The following GPHN variants were observed in gnomAD, a reference collection of about 807,000 sequenced individuals.
GPHN encodes gephyrin.
In GPHN, 17 loss-of-function variants were observed where a neutral mutation model predicts 95.5. The observed-to-expected ratio is 0.18, with a 90% CI of 0.12 to 0.27. The LOEUF is 0.27. Among genes scored for constraint, GPHN ranks in the 10% least tolerant of loss-of-function variants. The pLI, the probability that GPHN is intolerant of heterozygous loss-of-function variation, is 1.00. For missense variants in GPHN, 660 were observed against 978.1 expected, an observed-to-expected ratio of 0.67 and a Z score of 4.34; for synonymous variants, 320 against 322.5, an observed-to-expected ratio of 0.99 and a Z score of 0.08.
At chr14:67,200,154 A>C in the GPHN span, 2 of 1,153,794 alleles carry the variant, frequency 1.7e-6, no homozygotes, top group Admixed American at 5.2e-5. Flanking sequence ...TGGGTCACCC[A>C]GGTCCTATGC....
At chr14:67,264,956 G>A in the GPHN span, among the ~76,000 whole-genome samples, 1 of 151,944 alleles carries the variant, frequency 6.6e-6, no homozygotes, top group Non-Finnish European at 1.5e-5. Flanking sequence ...CATCCATGAG[G>A]GCAGATGATT....
At chr14:66,800,094 T>C (rs1450919595) in intron 3 of GPHN, among the ~76,000 whole-genome samples, 3 of 152,226 alleles carry the variant, frequency 2.0e-5, no homozygotes, top group Non-Finnish European at 4.4e-5. Context: ...AATAAAAGTC[T>C]ACACTTTAAC....
rs138997125 is a variant in GPHN at position 66,888,663 on chromosome 14, G to A, written c.389+8630G>A. 7.1e-3 allele frequency among the ~76,000 whole-genome samples: 1,072 copies of A among 152,052 alleles called. 5 individuals carry two copies. The highest frequency in any genetic ancestry group is 0.025 in the African/African-American group (1,024 of 41,510). On this transcript the variant is annotated intron_variant, in intron 5 of 22. Transcript: ENST00000478722. ...AAGAACAAATGAAGATAGTAATGTAGGAAATAAGGAGTTAAAAAGCTATAA... is the reference window on the plus strand; with the variant it reads ...AAGAACAAATGAAGATAGTAATGTAAGAAATAAGGAGTTAAAAAGCTATAA...
chr14:67,271,723 A>C, the GPHN span: 2 of 152,232 alleles, frequency 1.3e-5, no homozygotes, highest in Non-Finnish European at 1.5e-5. Flanking sequence ...ATTAAAGGGA[A>C]ATATGAGTTT....
At chr14:67,651,648 G>T in the GPHN span, 1 of 601,188 alleles carries the variant, frequency 1.7e-6, no homozygotes, top group Non-Finnish European at 2.7e-6. Flanking sequence ...GTCACTTAGG[G>T]ATAACACTGT....
the GPHN span, chr14:67,386,960 T>C: frequency 6.3e-6 from 1 of 157,534 alleles, no homozygotes; most frequent in Non-Finnish European, 1.4e-5. Context: ...CTTTTACTAA[T>C]TCCAAAGAAG....
At chr14:66,705,837 T>TA (rs1413018334) in intron 2 of GPHN, among the ~76,000 whole-genome samples, 1 of 151,988 alleles carries the variant, frequency 6.6e-6, no homozygotes, top group East Asian at 1.9e-4. Context: ...AAGAGAAAAA[T>TA]AAAGTGTATT....
At chr14:67,556,267 C>T in the GPHN span, among the ~76,000 whole-genome samples, 139 of 152,266 alleles carry the variant, frequency 9.1e-4, no homozygotes, top group African/African-American at 3.2e-3. Flanking sequence ...TTGGAATGCG[C>T]AGCCTTCTTG....
At chr14:66,877,950 C>T (rs1401374167) in intron 4 of GPHN, among the ~76,000 whole-genome samples, 1 of 152,172 alleles carries the variant, frequency 6.6e-6, no homozygotes, top group Admixed American at 6.5e-5. Flanking sequence ...AAGCTGGAGG[C>T]ATCACACTAC....
intron 4 of GPHN, among the ~76,000 whole-genome samples, chr14:66,838,528 C>A (rs1166289122): frequency 6.6e-6 from 1 of 152,098 alleles, no homozygotes; most frequent in Non-Finnish European, 1.5e-5. Context: ...GTTCACCCTT[C>A]CAAATCTACT....
chr14:67,017,382 A>C (rs78099028), intron 9 of GPHN, among the ~76,000 whole-genome samples: 1 of 152,236 alleles, frequency 6.6e-6, no homozygotes, highest in Admixed American at 6.5e-5. Context: ...TGTTATTTAA[A>C]TCAAACTTTT....
At chr14:67,291,679 G>C in the GPHN span, among the ~76,000 whole-genome samples, 1 of 152,262 alleles carries the variant, frequency 6.6e-6, no homozygotes, top group East Asian at 1.9e-4. Flanking sequence ...ACATACATAT[G>C]CCCACAACTT....
At chr14:67,571,775 G>T in the GPHN span, 1 of 1,613,976 alleles carries the variant, frequency 6.2e-7, no homozygotes, top group Non-Finnish European at 8.5e-7. Context: ...TCAGCAACAT[G>T]CCCTTTATGG....
chr14:67,732,227 G>A, the GPHN span, among the ~76,000 whole-genome samples: 21 of 151,700 alleles, frequency 1.4e-4, no homozygotes, highest in Non-Finnish European at 2.5e-4. Flanking sequence ...GCTTGAGCTC[G>A]GGAATTCCAT....
At chr14:67,352,039 C>G in the GPHN span, among the ~76,000 whole-genome samples, 1 of 151,866 alleles carries the variant, frequency 6.6e-6, no homozygotes, top group East Asian at 1.9e-4. Flanking sequence ...AATCCCAGTG[C>G]TTTGGAAGGA....
chr14:66,750,633 G>A (rs1022909424), intron 2 of GPHN, among the ~76,000 whole-genome samples: 1 of 151,808 alleles, frequency 6.6e-6, no homozygotes, highest in Non-Finnish European at 1.5e-5. Context: ...TTGGTAGCAG[G>A]AAAAAGGTAA....
intron 2 of GPHN, among the ~76,000 whole-genome samples, chr14:66,747,960 A>T (rs2058219598): frequency 6.6e-6 from 1 of 152,098 alleles, no homozygotes; most frequent in South Asian, 2.1e-4. Flanking sequence ...CTATTTCTGT[A>T]TTAATAAACT....
intron 4 of GPHN, among the ~76,000 whole-genome samples, chr14:66,876,419 T>C (rs1464213675): frequency 6.6e-6 from 1 of 151,622 alleles, no homozygotes; most frequent in Non-Finnish European, 1.5e-5. Flanking sequence ...CTGAAGGAGA[T>C]AGAGACACAA....
chr14:67,308,546 C>CT, the GPHN span, among the ~76,000 whole-genome samples: 27,318 of 131,744 alleles, frequency 0.21, 5,522 homozygotes, highest in African/African-American at 0.49. Flanking sequence ...TTTTCTTTTT[C>CT]TTTTTTTTTT....
Sources: gnomAD v4.1 joint callset for allele counts (sites outside exome capture counted in the v4.1 genomes callset) on GRCh38, gnomAD v4.1.1 for gene constraint, MANE v1.5 for transcripts, NCBI Gene and HGNC (gene_info 2026-07-23, HGNC 2026-07-21) for gene names.